Variants in HMGN1 observed in about 807,000 individuals in gnomAD.
HMGN1 encodes the protein high mobility group nucleosome binding domain 1.
A neutral mutation model predicts 18.4 loss-of-function variants in HMGN1; 9 were observed. That is an observed-to-expected ratio of 0.49 (90% CI 0.29 to 0.85). HMGN1 has a LOEUF of 0.85. Among genes scored for constraint, HMGN1 ranks in the 40% least tolerant of loss-of-function variants. The pLI is 0.07. For synonymous variants in HMGN1, 59 were observed against 45.0 expected (o/e 1.31, Z -1.24); for missense variants, 151 against 119.2 (o/e 1.27, Z -1.24).
intron 1 of HMGN1, 38 bp from the exon 2 acceptor site, chr21:39,348,615 A>G (rs2037153340): frequency 1.3e-6 from 2 of 1,540,264 alleles, no homozygotes; most frequent in Non-Finnish European, 1.7e-6. Flanking sequence ...GGCGGGCCGC[A>G]GTCCCAGGAC....
chr21:39,346,098 T>A lies in HMGN1; in HGVS notation c.127-824A>T, dbSNP rs61277282. On this transcript the variant is annotated intron_variant, in intron 4 of 5. Coordinates refer to ENST00000380749, the MANE Select transcript of HMGN1 (RefSeq NM_004965.7). ...AGAAAGCTTAACATTTATTCCTTGT[T>A]AGTAAGTATACAGCAGCAGCTAAAT... The A allele has an allele frequency of 1.1e-3, 523 of 470,194 alleles. 6 individuals are homozygous for A. The highest frequency in any genetic ancestry group is 9.8e-3 in the African/African-American group (480 of 49,224). The allele number at this position is 470,194 out of a possible 1,614,324, so 29.1% of individuals were successfully genotyped here. A position where few individuals can be genotyped will look rare whatever the true frequency, so the allele number is the denominator to read the frequency against.
At chr21:39,343,647 G>A (rs1271970829) in intron 5 of HMGN1, among the ~76,000 whole-genome samples, 2 of 152,166 alleles carry the variant, frequency 1.3e-5, no homozygotes, top group Non-Finnish European at 2.9e-5. Context: ...AGTGCTACTG[G>A]GTAGTGAGTT....
At chr21:39,343,482 A>G (rs1479160326) in intron 5 of HMGN1, among the ~76,000 whole-genome samples, 1 of 152,118 alleles carries the variant, frequency 6.6e-6, no homozygotes, top group Non-Finnish European at 1.5e-5. Context: ...AGTGCCACAT[A>G]TTTTACACCT....
chr21:39,344,570 A>C (rs2036977743), intron 5 of HMGN1: 1 of 152,702 alleles, frequency 6.5e-6, no homozygotes, highest in South Asian at 2.1e-4. Flanking sequence ...ACAACAAATC[A>C]ATCAAAACCT....
intron 4 of HMGN1, chr21:39,347,057 A>AACACACACACAC (rs3138678): frequency 8.7e-5 from 13 of 149,168 alleles, no homozygotes; most frequent in African/African-American, 2.9e-4. Context: ...ATTAGTTTAA[A>AACACACACACAC]ACACACACAC....
rs974792657 is a variant in HMGN1, at chr21:39,345,043, TAATG to T, written c.255+99_255+102del. On this transcript the variant is annotated intron_variant, in intron 5 of 5. Coordinates refer to ENST00000380749, the MANE Select transcript of HMGN1 (RefSeq NM_004965.7). ...CCGTACAAAACTTTGTTCAATATTA[TAATG>T]AATACTGTTATCTGCTACAAAAAAT... 3.0e-6 allele frequency: 4 copies of T among 1,336,220 alleles called. No individual in the cohort carries two copies. The African/African-American group carries it at 4.4e-5, about 15-fold the overall frequency. The allele number at this position is 1,336,220 out of a possible 1,614,324, so 82.8% of individuals were successfully genotyped here.
chr21:39,347,453 T>C, intron 4 of HMGN1: 6 of 1,297,202 alleles, frequency 4.6e-6, no homozygotes, highest in Non-Finnish European at 5.1e-6. Context: ...TTGCCTCTTC[T>C]GATGACTGCA....
rs1293623474 is a variant in HMGN1 at position 39,345,227 on chromosome 21, T to C, written c.174A>G (p.Ala58=). 7 of 1,613,964 alleles carry C rather than the reference T, an allele frequency of 4.3e-6. No individual in the cohort carries two copies. Among genetic ancestry groups the C allele is most frequent in the Non-Finnish European group, 5.9e-6 (7 of 1,180,006 alleles). Reference sequence around the variant, plus strand: ...TAGCCACTTCGGCCTGTTTTCCCTTTGCTCCCCTTTTCCCTTTTGTTTGCA... The same window carrying C: ...TAGCCACTTCGGCCTGTTTTCCCTTCGCTCCCCTTTTCCCTTTTGTTTGCA... ...KKVQTKGKRG[A]KGKQAEVANQ... Residue 58 remains alanine, a synonymous_variant, in exon 5 of 6, where the codon GCA becomes GCG. Coordinates refer to ENST00000380749, the MANE Select transcript of HMGN1 (RefSeq NM_004965.7).
chr21:39,348,397 C>T (rs1167389650), intron 3 of HMGN1, 25 bp downstream of exon 3: 1 of 1,614,052 alleles, frequency 6.2e-7, no homozygotes, highest in African/African-American at 1.3e-5. Flanking sequence ...GGAAAACGAA[C>T]GGTTACGGGG....
intron 1 of HMGN1, 68 bp from the exon 2 acceptor site, chr21:39,348,645 C>T: frequency 6.7e-7 from 1 of 1,500,592 alleles, no homozygotes; most frequent in Non-Finnish European, 8.9e-7. Flanking sequence ...CGCCCGGCCC[C>T]GAGAACAATG....
At chr21:39,347,479 C>T in intron 4 of HMGN1, 2 of 1,283,818 alleles carry the variant, frequency 1.6e-6, no homozygotes, top group South Asian at 2.5e-5. Flanking sequence ...AAACTTCTAC[C>T]TACACTTTTA....
At chr21:39,348,497 A>C (rs1313203856) in intron 2 of HMGN1, 46 bp from the exon 3 acceptor site, 1 of 1,614,072 alleles carries the variant, frequency 6.2e-7, no homozygotes. Context: ...AAGGCAGGCC[A>C]GCGGCTCACG....
Position 39,347,562 on chromosome 21 carries a change from T to G in HMGN1, c.126+730A>C, listed in dbSNP as rs535010134. 30 of 500,504 alleles carry G rather than the reference T, an allele frequency of 6.0e-5. 1 individual carries two copies. Among genetic ancestry groups the G allele is most frequent in the South Asian group, 4.4e-4 (28 of 64,142 alleles). 31.0% of individuals were successfully genotyped at this position (500,504 alleles called of 1,614,324 possible). The stretch of plus-strand genomic sequence containing the variant: ...AGCAAACTCTCACCTAAGTTTTGGA[T>G]AAAAATTAATCACCCCGCGAAGAAC... On this transcript the variant is annotated intron_variant, in intron 4 of 5. Transcript: ENST00000380749.
At position 39,348,588 on chromosome 21, in the gene HMGN1, G is replaced by A. The variant is rs769736571; in HGVS notation, c.16-11C>T. ...TTCGGCGGAGCTGACCTGCGGAGAC[G>A]GAGACGCACGAATAGAGGCGGGCCG... On this transcript the variant is annotated splice_polypyrimidine_tract_variant and intron_variant, in intron 1 of 5. Coordinates refer to ENST00000380749, the MANE Select transcript of HMGN1 (RefSeq NM_004965.7). 14 of 1,593,744 alleles carry A rather than the reference G, an allele frequency of 8.8e-6. No homozygotes were observed. The highest frequency in any genetic ancestry group is 4.0e-5 in the African/African-American group (3 of 74,300).
At chr21:39,344,479 A>T (rs1158809858) in intron 5 of HMGN1, 1 of 152,142 alleles carries the variant, frequency 6.6e-6, no homozygotes, top group African/African-American at 2.4e-5. Context: ...AACATAAAAT[A>T]AAGGTCTGGC....
Position 39,342,975 on chromosome 21 carries a change from G to A in HMGN1, c.*137C>T, listed in dbSNP as rs1405731523. 2 of 1,185,604 alleles carry A rather than the reference G, an allele frequency of 1.7e-6. No homozygotes were observed. The highest frequency in any genetic ancestry group is 2.5e-5 in the East Asian group (1 of 39,328). The allele number at this position is 1,185,604 out of a possible 1,614,324, so 73.4% of individuals were successfully genotyped here. A position where few individuals can be genotyped will look rare whatever the true frequency, so the allele number is the denominator to read the frequency against. On this transcript the variant is annotated 3_prime_UTR_variant, in exon 6 of 6. Transcript: ENST00000380749. ...CATTTACACTTAAAAAATGGGATGA[G>A]GTGGGATTCCCTCCTTCTTAAAAAT...
At chr21:39,345,010 T>C (rs2036992545) in intron 5 of HMGN1, 136 bp downstream of exon 5, 2 of 1,052,396 alleles carry the variant, frequency 1.9e-6, no homozygotes, top group South Asian at 4.7e-5. Flanking sequence ...TCCAATCACT[T>C]TGGGATACCG....
In HMGN1 at chr21:39,346,089, A is replaced by T. The variant is rs1601553871; in HGVS notation, c.127-815T>A. ...ATACTGAGAAGAAAGCTTAACATTT[A>T]TTCCTTGTTAGTAAGTATACAGCAG... On this transcript the variant is annotated intron_variant, in intron 4 of 5. Transcript: ENST00000380749. 4 of 499,210 alleles carry T rather than the reference A, an allele frequency of 8.0e-6. No homozygotes were observed. In the East Asian group the frequency reaches 2.7e-4, roughly 34 times the overall value. 30.9% of individuals were successfully genotyped at this position (499,210 alleles called of 1,614,324 possible).
chr21:39,343,209 T>C (rs1395089541), intron 5 of HMGN1, 50 bp from the exon 6 acceptor site: 4 of 1,500,746 alleles, frequency 2.7e-6, no homozygotes, highest in Admixed American at 3.9e-5. Flanking sequence ...CGTTGTCGTT[T>C]TATTTATATG....
Sources: allele counts gnomAD v4.1 joint callset (sites outside exome capture counted in the v4.1 genomes callset), GRCh38; gene constraint gnomAD v4.1.1; transcripts MANE v1.5; gene names NCBI Gene and HGNC (gene_info 2026-07-23, HGNC 2026-07-21).